Variants in SBF2 observed in about 807,000 individuals in gnomAD.
The protein encoded by SBF2 is SET binding factor 2, also known as myotubularin-related protein 13.
SBF2 carries 112 observed loss-of-function variants against 225.2 expected under a neutral mutation model. The observed-to-expected ratio is 0.50, with a 90% CI of 0.43 to 0.58. The LOEUF is 0.58. SBF2 is among the 20% of genes least tolerant of loss of function. The pLI, the probability that SBF2 is intolerant of heterozygous loss-of-function variation, is 0.00. For synonymous variants in SBF2, 763 were observed against 773.3 expected (o/e 0.99, Z 0.22); for missense variants, 1,996 against 2,206.2 (o/e 0.90, Z 1.91).
intron 2 of SBF2, among the ~76,000 whole-genome samples, chr11:10,092,277 T>C (rs1433337964): frequency 6.6e-6 from 1 of 152,146 alleles, no homozygotes; most frequent in Admixed American, 6.5e-5. Context: ...ATATGCTAAT[T>C]TTTTTCTTGG....
chr11:10,290,774 G>A (rs1047999059), intron 1 of SBF2, among the ~76,000 whole-genome samples: 28 of 152,048 alleles, frequency 1.8e-4, no homozygotes, highest in African/African-American at 6.3e-4. Context: ...AATATACAGA[G>A]ATAATAAATA....
chr11:9,853,043 A>G (rs1326471873), intron 20 of SBF2, among the ~76,000 whole-genome samples: 1 of 152,240 alleles, frequency 6.6e-6, no homozygotes, highest in Admixed American at 6.5e-5. Context: ...AATGTGGGAC[A>G]GCCATACCAT....
At chr11:10,095,461 C>T (rs1245607119) in intron 2 of SBF2, among the ~76,000 whole-genome samples, 1 of 152,054 alleles carries the variant, frequency 6.6e-6, no homozygotes, top group Non-Finnish European at 1.5e-5. Flanking sequence ...TTTAAACCCA[C>T]AATTTAGTAC....
chr11:9,875,185 T>C (rs1041108489), intron 17 of SBF2, among the ~76,000 whole-genome samples: 2 of 152,200 alleles, frequency 1.3e-5, no homozygotes, highest in African/African-American at 2.4e-5. Flanking sequence ...GTTAAGCCAA[T>C]AATTATGCCT....
At chr11:9,856,196 C>G (rs1857301846) in intron 19 of SBF2, among the ~76,000 whole-genome samples, 2 of 152,050 alleles carry the variant, frequency 1.3e-5, no homozygotes, top group South Asian at 4.1e-4. Context: ...CAGACAGTAA[C>G]TGAAGGGCTG....
At chr11:9,980,568 T>A (rs549421789) in intron 13 of SBF2, among the ~76,000 whole-genome samples, 1 of 152,048 alleles carries the variant, frequency 6.6e-6, no homozygotes, top group Non-Finnish European at 1.5e-5. Context: ...CCACTAGCAA[T>A]TGATAAAACA....
Position 9,872,305 on chromosome 11 carries a change from C to G in SBF2, c.1930-13909G>C, listed in dbSNP as rs753143840. On this transcript the variant is annotated intron_variant, in intron 17 of 39. Coordinates refer to ENST00000256190, the MANE Select transcript of SBF2 (RefSeq NM_030962.4). The stretch of plus-strand genomic sequence containing the variant: ...GACACATAGGGAAGAACAACACACA[C>G]TGGGGCCTGTCAGAACATCAGGAAG... 5.9e-4 allele frequency among the ~76,000 whole-genome samples: 90 copies of G among 152,220 alleles called. 1 individual carries two copies. Among genetic ancestry groups the G allele is most frequent in the Admixed American group, 3.7e-3 (57 of 15,288 alleles).
In SBF2 at chr11:10,044,475, C is replaced by T. The variant is rs547971620; in HGVS notation, c.142-1494G>A. On this transcript the variant is annotated intron_variant, in intron 2 of 39. Transcript: ENST00000256190. ...AAATGATATAATAAGCAAATTGCAA[C>T]GCAAAGGGGAGAAGGGAAAAGAGAT... The T allele has an allele frequency of 1.0e-4, 16 of 160,098 alleles. No individual in the cohort carries two copies. The South Asian group carries it at 1.0e-3, about 10-fold the overall frequency. 9.9% of individuals were successfully genotyped at this position (160,098 alleles called of 1,614,324 possible). A position where few individuals can be genotyped will look rare whatever the true frequency, so the allele number is the denominator to read the frequency against.
At chr11:9,874,147 T>A (rs1224784477) in intron 17 of SBF2, among the ~76,000 whole-genome samples, 1 of 152,158 alleles carries the variant, frequency 6.6e-6, no homozygotes, top group Non-Finnish European at 1.5e-5. Context: ...ATTATTACTA[T>A]CTTAGAGACT....
At chr11:10,217,651 A>T (rs561416018) in intron 1 of SBF2, among the ~76,000 whole-genome samples, 10 of 152,282 alleles carry the variant, frequency 6.6e-5, no homozygotes, top group Admixed American at 6.5e-4. Flanking sequence ...CAGAGGCCAA[A>T]CTGTGCTGCT....
At chr11:9,976,587 A>G (rs1946693171) in intron 13 of SBF2, among the ~76,000 whole-genome samples, 1 of 152,116 alleles carries the variant, frequency 6.6e-6, no homozygotes, top group Admixed American at 6.5e-5. Flanking sequence ...CAGCCTGGGC[A>G]ACAAAGCGAG....
chr11:10,112,096 T>C (rs978048300), intron 2 of SBF2, among the ~76,000 whole-genome samples: 1 of 152,204 alleles, frequency 6.6e-6, no homozygotes, highest in Non-Finnish European at 1.5e-5. Context: ...ATGAACTAAA[T>C]GTCACATTCT....
chr11:10,045,404 T>C (rs925905127), intron 2 of SBF2, among the ~76,000 whole-genome samples: 2 of 152,148 alleles, frequency 1.3e-5, no homozygotes, highest in African/African-American at 2.4e-5. Context: ...TGACTTCAAG[T>C]GATCCACCCG....
At chr11:10,136,313 G>A (rs907957245) in intron 2 of SBF2, among the ~76,000 whole-genome samples, 3 of 152,112 alleles carry the variant, frequency 2.0e-5, no homozygotes, top group Non-Finnish European at 4.4e-5. Context: ...CTTCCTTGGT[G>A]ACAAGCGTAT....
chr11:10,254,139 T>G (rs1960630995), intron 1 of SBF2, among the ~76,000 whole-genome samples: 1 of 152,066 alleles, frequency 6.6e-6, no homozygotes, highest in African/African-American at 2.4e-5. Flanking sequence ...ATCCCCACAC[T>G]TTGGGAGGCC....
intron 2 of SBF2, among the ~76,000 whole-genome samples, chr11:10,100,635 G>A (rs1236533644): frequency 2.0e-5 from 3 of 152,130 alleles, no homozygotes; most frequent in Non-Finnish European, 2.9e-5. Flanking sequence ...CCCACTATGA[G>A]GTATCTGGTT....
intron 1 of SBF2, among the ~76,000 whole-genome samples, chr11:10,231,077 T>C (rs1413846203): frequency 6.6e-6 from 1 of 152,206 alleles, no homozygotes; most frequent in Non-Finnish European, 1.5e-5. Flanking sequence ...CCATCGCTGA[T>C]ACCCTTTCTT....
intron 14 of SBF2, among the ~76,000 whole-genome samples, chr11:9,967,990 T>C: frequency 7.2e-6 from 1 of 138,898 alleles, no homozygotes; most frequent in Non-Finnish European, 1.5e-5. Flanking sequence ...TATATATATA[T>C]AAAATATATA....
intron 2 of SBF2, among the ~76,000 whole-genome samples, chr11:10,052,744 C>T (rs1673461682): frequency 6.6e-6 from 1 of 152,114 alleles, no homozygotes; most frequent in Non-Finnish European, 1.5e-5. Flanking sequence ...TCTCACAAGA[C>T]TCATTCTACA....
Sources: allele counts gnomAD v4.1 joint callset (sites outside exome capture counted in the v4.1 genomes callset), GRCh38; gene constraint gnomAD v4.1.1; transcripts MANE v1.5; gene names NCBI Gene and HGNC (gene_info 2026-07-23, HGNC 2026-07-21).